Variants in UBXN1 observed in about 807,000 individuals in gnomAD.
UBXN1 encodes UBX domain protein 1.
Under a neutral mutation model 42.0 loss-of-function variants are expected in UBXN1, and 21 were observed. The ratio of observed to expected loss-of-function variants is 0.50; its 90% CI spans 0.35 to 0.72. The LOEUF is 0.72. Among genes scored for constraint, UBXN1 ranks in the 30% least tolerant of loss-of-function variants. UBXN1 has a pLI of 0.00. For missense variants in UBXN1, 374 were observed against 382.2 expected, an observed-to-expected ratio of 0.98 and a Z score of 0.18; for synonymous variants, 172 against 142.6, an observed-to-expected ratio of 1.21 and a Z score of -1.47.
intron 7 of UBXN1, 35 bp downstream of exon 7, chr11:62,677,483 G>T: frequency 6.2e-7 from 1 of 1,605,730 alleles, no homozygotes; most frequent in Non-Finnish European, 8.5e-7. Flanking sequence ...GGAACAAAGG[G>T]GTCCCAAGAG....
In UBXN1 at chr11:62,678,997, A is replaced by G. The variant is rs1347543375; in HGVS notation, c.-74T>C. On this transcript the variant is annotated 5_prime_UTR_variant, in exon 1 of 9. Transcript: ENST00000301935. ...AGGGCGGGAAGGGTCAGCGCGAGGC[A>G]ACCCGCCCTCGACACCCGCCGACGG... 6.2e-5 allele frequency: 92 copies of G among 1,495,436 alleles called. No individual in the cohort carries two copies. The highest frequency in any genetic ancestry group is 1.5e-4 in the East Asian group (6 of 40,432). The allele number at this position is 1,495,436 out of a possible 1,614,324, so 92.6% of individuals were successfully genotyped here. A position where few individuals can be genotyped will look rare whatever the true frequency, so the allele number is the denominator to read the frequency against.
At chr11:62,678,198 G>A (rs764604949) in intron 4 of UBXN1, 80 bp from the exon 5 acceptor site, 1 of 1,600,420 alleles carries the variant, frequency 6.2e-7, no homozygotes, top group African/African-American at 1.3e-5. Context: ...AAAATTAGGC[G>A]ACATATATCC....
At chr11:62,678,801 G>T in intron 1 of UBXN1, 58 bp from the exon 2 acceptor site, 1 of 1,611,538 alleles carries the variant, frequency 6.2e-7, no homozygotes, top group Non-Finnish European at 8.5e-7. Context: ...TCAGGCTGGG[G>T]CAAAGGCCGA....
intron 7 of UBXN1, 53 bp downstream of exon 7, chr11:62,677,465 C>T (rs1945038576): frequency 6.3e-7 from 1 of 1,589,350 alleles, no homozygotes; most frequent in South Asian, 1.1e-5. Flanking sequence ...AGCTGGGCAC[C>T]TTAACACGGA....
In UBXN1 at chr11:62,678,948, G is replaced by A. The variant is rs920554362; in HGVS notation, c.-25C>T. 4 of 1,562,590 alleles carry A rather than the reference G, an allele frequency of 2.6e-6. No homozygotes were observed. In the African/African-American group the frequency reaches 4.1e-5, roughly 16 times the overall value. ...TGGCGCCGACACCGCGGCTTCCGCG[G>A]GGACCTGGTGTGTGACGAGAAGGAG... is the stretch of plus-strand genomic sequence containing the variant. On this transcript the variant is annotated 5_prime_UTR_variant, in exon 1 of 9. Transcript: ENST00000301935.
intron 7 of UBXN1, chr11:62,677,245 T>C: frequency 1.6e-6 from 1 of 615,094 alleles, no homozygotes; most frequent in Non-Finnish European, 2.8e-6. Flanking sequence ...TCTGGATAAA[T>C]ACCACATCAC....
At chr11:62,678,652 C>CCCCCCCCAAAAA in intron 2 of UBXN1, 38 bp downstream of exon 2, 3 of 1,523,316 alleles carry the variant, frequency 2.0e-6, no homozygotes, top group Non-Finnish European at 2.7e-6. Flanking sequence ...CCCCTCCCGC[C>CCCCCCCCAAAAA]AGCCCCCAAT....
intron 7 of UBXN1, 184 bp from the exon 8 acceptor site, chr11:62,677,189 C>G: frequency 3.0e-6 from 2 of 667,848 alleles, no homozygotes; most frequent in East Asian, 5.4e-5. Flanking sequence ...AGACTCCCAG[C>G]TCCCTCACAA....
Position 62,678,936 on chromosome 11 carries a change from G to C in UBXN1, c.-13C>G, listed in dbSNP as rs1447453506. 6.4e-7 allele frequency: 1 copy of C among 1,571,720 alleles called. No homozygotes were observed. Among genetic ancestry groups the C allele is most frequent in the Non-Finnish European group, 8.6e-7 (1 of 1,162,674 alleles). ...TCAGCTCCGCCATGGCGCCGACACCGCGGCTTCCGCGGGGACCTGGTGTGT... is the reference window on the plus strand; with the variant it reads ...TCAGCTCCGCCATGGCGCCGACACCCCGGCTTCCGCGGGGACCTGGTGTGT... On this transcript the variant is annotated 5_prime_UTR_variant, in exon 1 of 9. Coordinates refer to ENST00000301935, the MANE Select transcript of UBXN1 (RefSeq NM_001286077.2).
chr11:62,678,224 G>A (rs879708458), intron 4 of UBXN1, 106 bp from the exon 5 acceptor site: 21 of 1,604,532 alleles, frequency 1.3e-5, no homozygotes, highest in Non-Finnish European at 1.6e-5. Context: ...TAGATTAAAG[G>A]AAAAGAAAAT....
At chr11:62,678,313 G>A in intron 4 of UBXN1, 26 bp downstream of exon 4, 1 of 1,614,064 alleles carries the variant, frequency 6.2e-7, no homozygotes, top group East Asian at 2.2e-5. Flanking sequence ...ACGACCCTCA[G>A]ACACGTGAGA....
intron 4 of UBXN1, 23 bp from the exon 5 acceptor site, chr11:62,678,141 T>A (rs768011990): frequency 6.2e-7 from 1 of 1,612,332 alleles, no homozygotes; most frequent in East Asian, 2.2e-5. Context: ...GGGAAAACAG[T>A]TCAAGAGAAA....
intron 2 of UBXN1, 21 bp downstream of exon 2, chr11:62,678,669 C>T (rs774091437): frequency 6.2e-7 from 1 of 1,610,854 alleles, no homozygotes; most frequent in African/African-American, 1.3e-5. Flanking sequence ...CAATTCTCCG[C>T]CACCCGGGAC....
chr11:62,677,148 CT>C, intron 7 of UBXN1, 143 bp from the exon 8 acceptor site: 1 of 934,458 alleles, frequency 1.1e-6, no homozygotes, highest in Non-Finnish European at 1.6e-6. Flanking sequence ...TGAACAGCCA[CT>C]TAGGCTCCGC....
At position 62,677,819 on chromosome 11, in the gene UBXN1, C is replaced by T. The variant is rs1247547128; in HGVS notation, c.496G>A (p.Glu166Lys). The T allele has an allele frequency of 6.2e-7, 1 of 1,614,236 alleles. No homozygotes were observed. Among genetic ancestry groups the T allele is most frequent in the South Asian group, 1.1e-5 (1 of 91,090 alleles). The change falls in exon 6 of 9, where the codon GAA becomes AAA. Residue 166 changes from glutamate to lysine, a missense_variant. Glu to Lys is a moderately conservative substitution (Grantham distance 56, BLOSUM62 1). Transcript: ENST00000301935. ...TCTGCTTTGTCCCTCTCGATCTTTT[C>T]TCTAACTCTTTGTCTGAAATGTAGA... ...EELAARQRVR[E>K]KIERDKAERA...
At chr11:62,678,285 A>G (rs1945069639) in intron 4 of UBXN1, 54 bp downstream of exon 4, 1 of 1,611,322 alleles carries the variant, frequency 6.2e-7, no homozygotes, top group South Asian at 1.1e-5. Flanking sequence ...CCAGACGTGT[A>G]CTGGGGAGAG....
chr11:62,677,174 A>T, intron 7 of UBXN1, 169 bp from the exon 8 acceptor site: 1 of 730,768 alleles, frequency 1.4e-6, no homozygotes, highest in African/African-American at 1.8e-5. Flanking sequence ...CTAAGTGCGG[A>T]TGAGAGACTC....
In UBXN1 at chr11:62,677,625, T is replaced by A; in HGVS notation, c.544A>T (p.Ser182Cys). Reference sequence around the variant, plus strand: ...ACTGGGGGTGGCTGAGAGCCCACACTGCCACCATACTAAAGGGCAAAGTAA... The same window carrying A: ...ACTGGGGGTGGCTGAGAGCCCACACAGCCACCATACTAAAGGGCAAAGTAA... Reference protein sequence around the residue: ...KAERAKKYGGSVGSQPPPVAP... With the variant: ...KAERAKKYGGCVGSQPPPVAP... The change falls in exon 7 of 9, where the codon AGT (serine) becomes TGT (cysteine). Residue 182 changes from serine (S) to cysteine (C), a missense_variant. Physicochemically the swap from Ser to Cys is moderately radical, Grantham distance 112. Coordinates refer to ENST00000301935, the MANE Select transcript of UBXN1 (RefSeq NM_001286077.2). 2.5e-6 allele frequency: 4 copies of A among 1,612,504 alleles called. No individual in the cohort carries two copies. Among genetic ancestry groups the A allele is most frequent in the Non-Finnish European group, 3.4e-6 (4 of 1,179,372 alleles).
rs1010080159 is a variant in UBXN1 at position 62,677,392 on chromosome 11, C to G, written c.651+126G>C. On this transcript the variant is annotated intron_variant, in intron 7 of 8. Coordinates refer to ENST00000301935, the MANE Select transcript of UBXN1 (RefSeq NM_001286077.2). ...TTTCCCAAGAGTAGAGATAGGATTT[C>G]AAAAGTCATTTACAAAGAAGGGAGA... 12 of 992,060 alleles carry G rather than the reference C, an allele frequency of 1.2e-5. No homozygotes were observed. In the African/African-American group the frequency reaches 1.9e-4, roughly 16 times the overall value. The allele number at this position is 992,060 out of a possible 1,614,324, so 61.5% of individuals were successfully genotyped here. A position where few individuals can be genotyped will look rare whatever the true frequency, so the allele number is the denominator to read the frequency against.
Sources: gnomAD v4.1 joint callset for allele counts on GRCh38, gnomAD v4.1.1 for gene constraint, MANE v1.5 for transcripts, NCBI Gene and HGNC (gene_info 2026-07-23, HGNC 2026-07-21) for gene names.